LRRC43: variants seen among roughly 807,000 people sequenced by gnomAD.
LRRC43 encodes the protein leucine rich repeat containing 43, also known as leucine-rich repeat-containing protein 43.
In LRRC43, 62 loss-of-function variants were observed where a neutral mutation model predicts 64.3. The observed-to-expected ratio is 0.96, with a 90% CI of 0.79 to 1.19. The LOEUF (loss-of-function observed/expected upper bound fraction) is 1.19. Ranked by LOEUF, LRRC43 falls within the 50% of genes most tolerant of loss-of-function variation. The pLI is 0.00. For synonymous variants in LRRC43, 422 were observed against 382.3 expected (o/e 1.10, Z -1.21); for missense variants, 868 against 845.0 (o/e 1.03, Z -0.34).
chr12:122,189,035 C>T (rs1953681627), intron 4 of LRRC43, among the ~76,000 whole-genome samples: 1 of 152,164 alleles, frequency 6.6e-6, no homozygotes, highest in Admixed American at 6.6e-5. Flanking sequence ...GGTTCAGGCT[C>T]ATTAGGAGCC....
chr12:122,178,913 G>A (rs142640100), upstream of LRRC43, among the ~76,000 whole-genome samples: 408 of 152,014 alleles, frequency 2.7e-3, no homozygotes, highest in African/African-American at 9.6e-3. Flanking sequence ...GGCCAGGGTG[G>A]TGTTTGATTG....
intron 10 of LRRC43, 84 bp from the exon 11 acceptor site, chr12:122,201,212 G>A (rs971682994): frequency 8.8e-6 from 12 of 1,369,028 alleles, no homozygotes; most frequent in Admixed American, 6.8e-5. Context: ...TCAGAGCCTT[G>A]GAGGAGGTGG....
intron 7 of LRRC43, among the ~76,000 whole-genome samples, chr12:122,199,678 G>A (rs1953812309): frequency 6.6e-6 from 1 of 151,704 alleles, no homozygotes; most frequent in South Asian, 2.1e-4. Flanking sequence ...TGACTTCCTG[G>A]GCTCAAGCAA....
Position 122,170,045 on chromosome 12 carries a change from G to A in LRRC43, c.-406+2263G>A, listed in dbSNP as rs142319326. Among the ~76,000 whole-genome samples, 795 of 152,182 alleles carry A rather than the reference G, an allele frequency of 5.2e-3. 10 individuals are homozygous for A. Among genetic ancestry groups the A allele is most frequent in the African/African-American group, 0.018 (761 of 41,526 alleles). ...TGGTCTCGAGCTCCTGACCTCAAGT[G>A]ATGTTCCTGCCTCAGCCTCCCAAAG... On this transcript the variant is annotated intron_variant, in intron 1 of 5. Transcript: ENST00000537729.
intron 11 of LRRC43, chr12:122,202,266 C>T (rs1324870244): frequency 6.6e-6 from 1 of 151,800 alleles, no homozygotes; most frequent in African/African-American, 2.4e-5. Context: ...ATTCTTACAG[C>T]TACTTCTGCA....
chr12:122,203,231 C>A (rs900937957), intron 11 of LRRC43, 84 bp from the exon 12 acceptor site: 1 of 1,503,368 alleles, frequency 6.7e-7, no homozygotes. Flanking sequence ...GGGTCCAGGG[C>A]TTGCATATGG....
chr12:122,187,570 T>G, intron 3 of LRRC43, 131 bp from the exon 4 acceptor site: 1 of 642,158 alleles, frequency 1.6e-6, no homozygotes, highest in South Asian at 2.3e-5. Flanking sequence ...GGAGTCGGGG[T>G]GGTGCCAGGG....
At chr12:122,174,844 CTTTTTTTTTT>C (rs765071459) in intron 1 of LRRC43, among the ~76,000 whole-genome samples, 2 of 142,308 alleles carry the variant, frequency 1.4e-5, no homozygotes, top group South Asian at 4.5e-4. Context: ...TATCTTTTTT[CTTTTTTTTTT>C]TTTTGAGATG....
chr12:122,174,215 C>A, intron 1 of LRRC43: 2 of 1,613,566 alleles, frequency 1.2e-6, no homozygotes, highest in African/African-American at 2.7e-5. Context: ...GCTTCTGGAG[C>A]CAGATGTGTT....
chr12:122,170,607 G>A (rs1347806173), intron 1 of LRRC43, among the ~76,000 whole-genome samples: 3 of 152,080 alleles, frequency 2.0e-5, no homozygotes, highest in African/African-American at 7.2e-5. Context: ...CTCCAGCCTG[G>A]GTGACAGAGT....
intron 7 of LRRC43, among the ~76,000 whole-genome samples, chr12:122,198,730 A>ACGTTCAACTTGGACATACTTTAAATTT (rs1566012805): frequency 1.4e-5 from 2 of 147,338 alleles, no homozygotes; most frequent in South Asian, 2.1e-4. Context: ...CCCAGGTTCA[A>ACGTTCAACTTGGACATACTTTAAATTT]GTGATTCTCC....
At chr12:122,174,122 G>A (rs1283462491) in intron 1 of LRRC43, 2 of 1,614,070 alleles carry the variant, frequency 1.2e-6, no homozygotes, top group Non-Finnish European at 1.7e-6. Flanking sequence ...ATAAGATGAT[G>A]CCCAAGACTC....
At position 122,193,798 on chromosome 12, in the gene LRRC43, G is replaced by C. The variant is rs1953747706; in HGVS notation, c.1349+794G>C. Among the ~76,000 whole-genome samples, 3 of 152,162 alleles carry C rather than the reference G, an allele frequency of 2.0e-5. No individual in the cohort carries two copies. The South Asian group carries it at 6.2e-4, about 32-fold the overall frequency. On this transcript the variant is annotated intron_variant, in intron 7 of 11. Transcript: ENST00000339777. ...TGGTCTTGAGCTCCTGGTCTCAAGT[G>C]ATCTGCCCGCCTCAGCCTCCCAAAG... is the stretch of plus-strand genomic sequence containing the variant.
chr12:122,173,858 T>C (rs745467571), intron 1 of LRRC43: 4 of 1,613,792 alleles, frequency 2.5e-6, no homozygotes, highest in East Asian at 2.2e-5. Context: ...TTCAAAAGCA[T>C]CTTCGAGAGG....
chr12:122,201,596 C>A (rs1052517755), intron 11 of LRRC43, among the ~76,000 whole-genome samples: 2 of 152,230 alleles, frequency 1.3e-5, no homozygotes, highest in Non-Finnish European at 2.9e-5. Flanking sequence ...CTGCCTGGGG[C>A]TCATCTGGTT....
chr12:122,198,791 G>A (rs1051343629), intron 7 of LRRC43, among the ~76,000 whole-genome samples: 8 of 148,828 alleles, frequency 5.4e-5, no homozygotes, highest in East Asian at 2.0e-4. Context: ...CAGCACACCC[G>A]GCTAATTTTT....
chr12:122,182,900 T>C (rs1412906402), upstream of LRRC43: 5 of 542,820 alleles, frequency 9.2e-6, no homozygotes, highest in Non-Finnish European at 1.6e-5. Context: ...CCGTGGGGAG[T>C]GCTTGACAGG....
In LRRC43 at chr12:122,187,541, CT is replaced by C; in HGVS notation, c.523-158del. 3 of 581,744 alleles carry C rather than the reference CT, an allele frequency of 5.2e-6. No homozygotes were observed. The South Asian group carries it at 7.0e-5, about 14-fold the overall frequency. The allele number at this position is 581,744 out of a possible 1,614,324, so 36.0% of individuals were successfully genotyped here. A position where few individuals can be genotyped will look rare whatever the true frequency, so the allele number is the denominator to read the frequency against. On this transcript the variant is annotated intron_variant, in intron 3 of 11. Transcript: ENST00000339777. ...CCAAGACCTGCTGCAGGAATCTTTT[CT>C]TCCTGGGTTTTTAAAAGGGAGTCGG... is the stretch of plus-strand genomic sequence containing the variant.
At position 122,200,401 on chromosome 12, in the gene LRRC43, C is replaced by T. The variant is rs1327955571; in HGVS notation, c.1491+71C>T. On this transcript the variant is annotated intron_variant, in intron 8 of 11. Transcript: ENST00000339777. The surrounding 1 kb of genome is among the most constrained non-coding windows in gnomAD (Gnocchi z 4.6). ...TGTCCTTGTTCCTGTTCCCATCGGGCTGTCCCCCATGGGAGCCGCACTCCC... is the reference window on the plus strand; with the variant it reads ...TGTCCTTGTTCCTGTTCCCATCGGGTTGTCCCCCATGGGAGCCGCACTCCC... 4 of 1,605,284 alleles carry T rather than the reference C, an allele frequency of 2.5e-6. No individual in the cohort carries two copies. The highest frequency in any genetic ancestry group is 4.5e-5 in the East Asian group (2 of 44,836).
Sources: allele counts gnomAD v4.1 joint callset (sites outside exome capture counted in the v4.1 genomes callset), GRCh38; gene constraint gnomAD v4.1.1; non-coding constraint Gnocchi (gnomAD v3.1); transcripts MANE v1.5; gene names NCBI Gene and HGNC (gene_info 2026-07-23, HGNC 2026-07-21).